PERP: variants seen among roughly 807,000 people sequenced by gnomAD.
The protein encoded by PERP is p53 apoptosis effector related to PMP22.
A neutral mutation model predicts 20.3 loss-of-function variants in PERP; 11 were observed. That is an observed-to-expected ratio of 0.54 (90% CI 0.34 to 0.90). PERP has a LOEUF of 0.90. Among genes scored for constraint, PERP ranks in the 40% least tolerant of loss-of-function variants. The pLI is 0.02. For synonymous variants in PERP, 101 were observed against 102.0 expected, an observed-to-expected ratio of 0.99 and a Z score of 0.06; for missense variants, 224 against 249.4, an observed-to-expected ratio of 0.90 and a Z score of 0.69.
chr6:138,094,002 A>C (rs1461789429), intron 2 of PERP, among the ~76,000 whole-genome samples: 2 of 152,188 alleles, frequency 1.3e-5, no homozygotes, highest in African/African-American at 4.8e-5. Flanking sequence ...TCACTGAACT[A>C]ATTTTCTTTA....
intron 1 of PERP, among the ~76,000 whole-genome samples, chr6:138,097,952 A>G (rs1425027892): frequency 2.6e-5 from 4 of 152,096 alleles, no homozygotes; most frequent in African/African-American, 4.8e-5. Context: ...TTCTGTCTCT[A>G]TACCTTTGCC....
chr6:138,099,086 T>A (rs1015192933), intron 1 of PERP, among the ~76,000 whole-genome samples: 1 of 152,208 alleles, frequency 6.6e-6, no homozygotes, highest in Non-Finnish European at 1.5e-5. Context: ...GTACAGCCCA[T>A]AGACCACAAA....
intron 2 of PERP, 33 bp from the exon 3 acceptor site, chr6:138,092,301 T>A: frequency 6.6e-7 from 1 of 1,515,400 alleles, no homozygotes; most frequent in Non-Finnish European, 9.2e-7. Flanking sequence ...AGGGTATGAA[T>A]GCATACATGC....
intron 2 of PERP, among the ~76,000 whole-genome samples, chr6:138,093,454 C>T (rs1456736643): frequency 6.6e-6 from 1 of 151,826 alleles, no homozygotes; most frequent in Non-Finnish European, 1.5e-5. Flanking sequence ...TAATTCTTAA[C>T]TAAACATTCC....
In PERP at chr6:138,091,517, G is replaced by T. The variant is rs1323485058; in HGVS notation, c.*525C>A. ...ATATTAATGAGAAATTCTCACAAAT[G>T]ATATGCATTTAGGAAATGATTTTGC... On this transcript the variant is annotated 3_prime_UTR_variant, in exon 3 of 3. Coordinates refer to ENST00000421351, the MANE Select transcript of PERP (RefSeq NM_022121.5). 6.6e-6 allele frequency: 1 copy of T among 152,564 alleles called. No individual in the cohort carries two copies. The highest frequency in any genetic ancestry group is 1.5e-5 in the Non-Finnish European group (1 of 68,334). 9.5% of individuals were successfully genotyped at this position (152,564 alleles called of 1,614,324 possible). A position where few individuals can be genotyped will look rare whatever the true frequency, so the allele number is the denominator to read the frequency against.
At position 138,104,801 on chromosome 6, in the gene PERP, G is replaced by C. The variant is rs748498951; in HGVS notation, c.214+2326C>G. Among the ~76,000 whole-genome samples, 15 of 152,186 alleles carry C rather than the reference G, an allele frequency of 9.9e-5. No individual in the cohort carries two copies. In the East Asian group the frequency reaches 2.9e-3, roughly 29 times the overall value. On this transcript the variant is annotated intron_variant, in intron 1 of 2. Coordinates refer to ENST00000421351, the MANE Select transcript of PERP (RefSeq NM_022121.5). The stretch of plus-strand genomic sequence containing the variant: ...ACTGTGTGTTTGTGCATACGTGGGA[G>C]TGTGTGTAAACTGCTTACTTCATTT...
chr6:138,098,257 G>A (rs1775726107), intron 1 of PERP, among the ~76,000 whole-genome samples: 1 of 152,206 alleles, frequency 6.6e-6, no homozygotes, highest in African/African-American at 2.4e-5. Flanking sequence ...ACGCAGCACA[G>A]CTGACAGTAT....
intron 2 of PERP, among the ~76,000 whole-genome samples, chr6:138,095,663 G>T (rs867114102): frequency 6.6e-6 from 1 of 152,258 alleles, no homozygotes; most frequent in South Asian, 2.1e-4. Context: ...CTAACTCCGT[G>T]GCTAGGGTCC....
At position 138,107,365 on chromosome 6, in the gene PERP, C is replaced by T. The variant is rs370726583; in HGVS notation, c.-25G>A. The T allele has an allele frequency of 2.8e-6, 4 of 1,451,076 alleles. No individual in the cohort carries two copies. Among genetic ancestry groups the T allele is most frequent in the African/African-American group, 1.6e-5 (1 of 62,752 alleles). The allele number at this position is 1,451,076 out of a possible 1,614,324, so 89.9% of individuals were successfully genotyped here. On this transcript the variant is annotated 5_prime_UTR_variant, in exon 1 of 3. Transcript: ENST00000421351. The surrounding 1 kb of genome is among the most constrained non-coding windows in gnomAD (Gnocchi z 4.8). ...TGTTGACGGGCGGCGCGGGGCCGAG[C>T]GGAGCGGAGCGGAGCGGGTCGGAGG...
intron 1 of PERP, among the ~76,000 whole-genome samples, chr6:138,106,902 C>CTTTTTTTT (rs1775850187): frequency 1.1e-5 from 1 of 88,192 alleles, no homozygotes; most frequent in South Asian, 4.3e-4. Context: ...TGAACTACGG[C>CTTTTTTTT]CTTTTTTTTT....
rs1365983310 is a variant in PERP, at chr6:138,089,142, C to A, written c.*2900G>T. Reference sequence around the variant, plus strand: ...TGAGACCAGCAGGGAGATGACCTGCCCAAGCCTGCACAGATAGCAAGGACC... The same window carrying A: ...TGAGACCAGCAGGGAGATGACCTGCACAAGCCTGCACAGATAGCAAGGACC... On this transcript the variant is annotated 3_prime_UTR_variant, in exon 3 of 3. Coordinates refer to ENST00000421351, the MANE Select transcript of PERP (RefSeq NM_022121.5). The A allele has an allele frequency of 1.3e-5, 2 of 151,850 alleles. No individual in the cohort carries two copies. The highest frequency in any genetic ancestry group is 2.9e-5 in the Non-Finnish European group (2 of 67,978). The allele number at this position is 151,850 out of a possible 1,614,324, so 9.4% of individuals were successfully genotyped here. A position where few individuals can be genotyped will look rare whatever the true frequency, so the allele number is the denominator to read the frequency against.
chr6:138,093,071 AAAC>A (rs1174280203), intron 2 of PERP, among the ~76,000 whole-genome samples: 1 of 152,246 alleles, frequency 6.6e-6, no homozygotes, highest in Non-Finnish European at 1.5e-5. Flanking sequence ...AAGCAATTTC[AAAC>A]AAAATGAACA....
In PERP at chr6:138,092,253, A is replaced by G; in HGVS notation, c.371T>C (p.Ile124Thr). ...CTTCACGGGGTAAATTACCAGGGAG[A>G]TGATCTGGAACACAGCTAAAGGGAA... ...LLALAAVFQI[I>T]SLVIYPVKYT... The change falls in exon 3 of 3, where the codon ATC (isoleucine) becomes ACC (threonine). Residue 124 changes from isoleucine (I) to threonine (T), a missense_variant. Coordinates refer to ENST00000421351, the MANE Select transcript of PERP (RefSeq NM_022121.5). 1 of 1,613,836 alleles carries G rather than the reference A, an allele frequency of 6.2e-7. No homozygotes were observed. Among genetic ancestry groups the G allele is most frequent in the Non-Finnish European group, 8.5e-7 (1 of 1,179,768 alleles).
In PERP at chr6:138,090,027, T is replaced by C. The variant is rs1482563626; in HGVS notation, c.*2015A>G. 6.6e-6 allele frequency: 1 copy of C among 152,210 alleles called. No homozygotes were observed. The highest frequency in any genetic ancestry group is 2.4e-5 in the African/African-American group (1 of 41,442). 9.4% of individuals were successfully genotyped at this position (152,210 alleles called of 1,614,324 possible). A position where few individuals can be genotyped will look rare whatever the true frequency, so the allele number is the denominator to read the frequency against. On this transcript the variant is annotated 3_prime_UTR_variant, in exon 3 of 3. Transcript: ENST00000421351. ...CGTTTCTTAATCTCTAGATATCCAGTATCTTCTTGAATGAGCTGTGGTATC... is the reference window on the plus strand; with the variant it reads ...CGTTTCTTAATCTCTAGATATCCAGCATCTTCTTGAATGAGCTGTGGTATC...
intron 2 of PERP, among the ~76,000 whole-genome samples, 171 bp downstream of exon 2, chr6:138,096,183 G>A (rs1480532402): frequency 2.0e-5 from 3 of 152,182 alleles, no homozygotes; most frequent in African/African-American, 7.2e-5. Flanking sequence ...AAGAGGAAAG[G>A]GAACCAGATC....
At chr6:138,103,120 C>T (rs1353018362) in intron 1 of PERP, among the ~76,000 whole-genome samples, 2 of 150,908 alleles carry the variant, frequency 1.3e-5, no homozygotes, top group Non-Finnish European at 2.9e-5. Flanking sequence ...AGTAATCTGT[C>T]TGCTAATGCC....
rs541396173 is a variant in PERP at position 138,092,232 on chromosome 6, A to G, written c.392T>C (p.Val131Ala). The change falls in exon 3 of 3, where the codon GTG (valine) becomes GCG (alanine). Residue 131 changes from valine to alanine, a missense_variant. Coordinates refer to ENST00000421351, the MANE Select transcript of PERP (RefSeq NM_022121.5). ...FQIISLVIYP[V>A]KYTQTFTLHA... is the part of the protein sequence containing the mutation. ...AAGGGTGAAGGTCTGGGTGTACTTC[A>G]CGGGGTAAATTACCAGGGAGATGAT... 2.7e-5 allele frequency: 43 copies of G among 1,614,084 alleles called. No individual in the cohort carries two copies. In the South Asian group the frequency reaches 4.6e-4, roughly 17 times the overall value.
At position 138,090,970 on chromosome 6, in the gene PERP, C is replaced by A. The variant is rs527585210; in HGVS notation, c.*1072G>T. 1.3e-5 allele frequency: 2 copies of A among 152,574 alleles called. No homozygotes were observed. Among genetic ancestry groups the A allele is most frequent in the South Asian group, 4.1e-4 (2 of 4,830 alleles). The allele number at this position is 152,574 out of a possible 1,614,324, so 9.5% of individuals were successfully genotyped here. On this transcript the variant is annotated 3_prime_UTR_variant, in exon 3 of 3. Transcript: ENST00000421351. ...ATATGCTATTCAGAGAAACTCAAATCCCCGAATTCTCCTGTGGCATGTTTT... is the reference window on the plus strand; with the variant it reads ...ATATGCTATTCAGAGAAACTCAAATACCCGAATTCTCCTGTGGCATGTTTT...
Position 138,088,989 on chromosome 6 carries a change from T to G in PERP, c.*3053A>C, listed in dbSNP as rs929355825. ...TATTCGTTCCAACCTCCCTAAGCAA[T>G]CCACTTATTGATCAGTGCTTCCAAC... On this transcript the variant is annotated 3_prime_UTR_variant, in exon 3 of 3. Coordinates refer to ENST00000421351, the MANE Select transcript of PERP (RefSeq NM_022121.5). 11 of 152,134 alleles carry G rather than the reference T, an allele frequency of 7.2e-5. No individual in the cohort carries two copies. The highest frequency in any genetic ancestry group is 2.7e-4 in the African/African-American group (11 of 41,422). 9.4% of individuals were successfully genotyped at this position (152,134 alleles called of 1,614,324 possible).
Sources: gnomAD v4.1 joint callset for allele counts (sites outside exome capture counted in the v4.1 genomes callset) on GRCh38, gnomAD v4.1.1 for gene constraint, Gnocchi (gnomAD v3.1) non-coding constraint, MANE v1.5 for transcripts, NCBI Gene and HGNC (gene_info 2026-07-23, HGNC 2026-07-21) for gene names.